ANK2: variants seen among roughly 807,000 people sequenced by gnomAD.
ANK2 encodes ankyrin 2, also known as ankyrin-2.
A neutral mutation model predicts 360.5 loss-of-function variants in ANK2; 83 were observed. That is an observed-to-expected ratio of 0.23 (90% confidence interval 0.19 to 0.28). The LOEUF (loss-of-function observed/expected upper bound fraction) is 0.28. Among genes scored for constraint, ANK2 ranks in the 10% least tolerant of loss-of-function variants. The probability of loss-of-function intolerance (pLI) is 1.00; values close to 1 mark genes in which losing one functional copy is unlikely to be tolerated. For missense variants in ANK2, 4,201 were observed against 4,795.7 expected (o/e 0.88, Z 3.66); for synonymous variants, 1,740 against 1,759.5 (o/e 0.99, Z 0.28).
In ANK2 at chr4:113,358,353, C is replaced by A; in HGVS notation, c.9735C>A (p.Pro3245=). The change falls in exon 38 of 46, where the codon CCC becomes CCA. Residue 3245 remains proline (P), a synonymous_variant. Transcript: ENST00000357077. ...CTGGTGTAAAGCAGATATCCTGCCCCGACTCTTCTGAACCAGCTGTACAAG... is the reference window on the plus strand; with the variant it reads ...CTGGTGTAAAGCAGATATCCTGCCCAGACTCTTCTGAACCAGCTGTACAAG... ...PLSGVKQISC[P]DSSEPAVQVQ... 6.2e-7 allele frequency: 1 copy of A among 1,613,984 alleles called. No homozygotes were observed. Among genetic ancestry groups the A allele is most frequent in the South Asian group, 1.1e-5 (1 of 91,054 alleles).
intron 1 of ANK2, among the ~76,000 whole-genome samples, chr4:112,833,206 C>T (rs1326575874): frequency 2.0e-5 from 3 of 152,186 alleles, no homozygotes; most frequent in Admixed American, 1.3e-4. Flanking sequence ...AAGTTTTAAA[C>T]AGAATAAGCC....
At chr4:112,717,216 A>G in the ANK2 span, among the ~76,000 whole-genome samples, 2 of 152,170 alleles carry the variant, frequency 1.3e-5, no homozygotes, top group Non-Finnish European at 2.9e-5. Flanking sequence ...TTCTACTCTT[A>G]TCATAATAAA....
At chr4:112,736,320 A>C in the ANK2 span, among the ~76,000 whole-genome samples, 1 of 152,012 alleles carries the variant, frequency 6.6e-6, no homozygotes, top group Non-Finnish European at 1.5e-5. Flanking sequence ...AAAATTAGCC[A>C]GACGTGGCAG....
At chr4:112,850,457 TTTTTTTCATAGTGCCTCCAG>T (rs2149948954) in intron 1 of ANK2, among the ~76,000 whole-genome samples, 1 of 143,966 alleles carries the variant, frequency 6.9e-6, no homozygotes. Context: ...TTTTTTTTTT[TTTTTTTCATAGTGCCTCCAG>T]TTTTTTTTAA....
intron 24 of ANK2, among the ~76,000 whole-genome samples, chr4:113,317,011 ACT>A (rs1416726499): frequency 1.3e-5 from 2 of 152,064 alleles, no homozygotes; most frequent in Non-Finnish European, 2.9e-5. Context: ...GGCAACCAAC[ACT>A]CTGGTGCTTC....
chr4:113,047,188 T>C (rs1433793483), upstream of ANK2, among the ~76,000 whole-genome samples: 1 of 152,194 alleles, frequency 6.6e-6, no homozygotes, highest in Non-Finnish European at 1.5e-5. Flanking sequence ...TATTCTTCCT[T>C]CAGGTAATTG....
At chr4:113,299,864 T>TA (rs1036265276) in intron 22 of ANK2, among the ~76,000 whole-genome samples, 10 of 152,224 alleles carry the variant, frequency 6.6e-5, no homozygotes, top group Admixed American at 3.3e-4. Flanking sequence ...AAGGAACCTT[T>TA]AAAAAATACC....
intron 22 of ANK2, among the ~76,000 whole-genome samples, chr4:113,299,131 T>A (rs1487987488): frequency 6.6e-6 from 1 of 152,214 alleles, no homozygotes; most frequent in Non-Finnish European, 1.5e-5. Context: ...TCTGATAGCA[T>A]TCAGTGACCA....
chr4:113,104,161 G>A (rs1443449742), intron 1 of ANK2, among the ~76,000 whole-genome samples: 2 of 152,150 alleles, frequency 1.3e-5, no homozygotes, highest in Non-Finnish European at 2.9e-5. Context: ...TTCCTTAGGT[G>A]AAACACTACC....
intron 10 of ANK2, among the ~76,000 whole-genome samples, chr4:113,254,819 A>G (rs2153621741): frequency 6.6e-6 from 1 of 152,334 alleles, no homozygotes; most frequent in South Asian, 2.1e-4. Context: ...ATGACTGTCA[A>G]ACTGGATACT....
intron 24 of ANK2, among the ~76,000 whole-genome samples, chr4:113,314,203 G>A (rs567946426): frequency 7.2e-5 from 11 of 152,262 alleles, no homozygotes; most frequent in African/African-American, 2.4e-4. Flanking sequence ...AATTAAAAAT[G>A]CTTTCCAAAT....
chr4:113,208,211 C>T (rs947722063), intron 4 of ANK2, among the ~76,000 whole-genome samples: 28 of 151,828 alleles, frequency 1.8e-4, no homozygotes, highest in African/African-American at 6.6e-4. Context: ...GAGAACAAGT[C>T]GAAGGGAGTC....
intron 1 of ANK2, chr4:113,152,154 T>C (rs1050316225): frequency 1.3e-5 from 2 of 151,982 alleles, no homozygotes; most frequent in Non-Finnish European, 2.9e-5. Context: ...TTATTTTTTT[T>C]ATAATGAGGT....
At chr4:112,805,119 A>T in the ANK2 span, among the ~76,000 whole-genome samples, 1 of 152,192 alleles carries the variant, frequency 6.6e-6, no homozygotes, top group Non-Finnish European at 1.5e-5. Flanking sequence ...ATGTGACCAG[A>T]TCATCCCTGA....
chr4:113,265,293 A>G (rs1278955391), intron 14 of ANK2, among the ~76,000 whole-genome samples: 1 of 152,196 alleles, frequency 6.6e-6, no homozygotes, highest in African/African-American at 2.4e-5. Context: ...ACTTTCTCAT[A>G]TCTCTTTATT....
chr4:112,934,324 C>G (rs61612765), intron 2 of ANK2, among the ~76,000 whole-genome samples: 20 of 152,176 alleles, frequency 1.3e-4, no homozygotes, highest in African/African-American at 3.6e-4. Flanking sequence ...TCTTTGACCT[C>G]GAGGTTGGAT....
chr4:113,336,804 C>T (rs752730000), intron 31 of ANK2, 23 bp downstream of exon 31: 6 of 1,608,164 alleles, frequency 3.7e-6, no homozygotes, highest in African/African-American at 1.3e-5. Flanking sequence ...TGACTGTGTT[C>T]GTAGAGAGTT....
intron 2 of ANK2, among the ~76,000 whole-genome samples, chr4:112,997,070 A>G (rs912561829): frequency 2.0e-5 from 3 of 151,900 alleles, no homozygotes; most frequent in African/African-American, 4.8e-5. Flanking sequence ...AACTGCACAT[A>G]TGTCCCTGCT....
chr4:113,145,585 T>G (rs2096798206), intron 1 of ANK2: 7 of 1,040,744 alleles, frequency 6.7e-6, no homozygotes, highest in Non-Finnish European at 8.1e-6. Flanking sequence ...CTCACTCCAT[T>G]GACATGCATA....
Sources: gnomAD v4.1 joint callset for allele counts (sites outside exome capture counted in the v4.1 genomes callset) on GRCh38, gnomAD v4.1.1 for gene constraint, MANE v1.5 for transcripts, NCBI Gene and HGNC (gene_info 2026-07-23, HGNC 2026-07-21) for gene names.